The following PDE11A variants were observed in gnomAD, a reference collection of about 807,000 sequenced individuals.
The protein encoded by PDE11A is dual 3',5'-cyclic-AMP and -GMP phosphodiesterase 11A.
PDE11A carries 100 observed loss-of-function variants against 100.5 expected under a neutral mutation model. The ratio of observed to expected loss-of-function variants is 1.00; its 90% CI spans 0.85 to 1.18. The LOEUF (loss-of-function observed/expected upper bound fraction) is 1.18. Ranked by LOEUF, PDE11A falls within the 50% of genes most tolerant of loss-of-function variation. PDE11A has a pLI of 0.00. For synonymous variants in PDE11A, 381 were observed against 420.8 expected, an observed-to-expected ratio of 0.91 and a Z score of 1.16; for missense variants, 1,141 against 1,152.6, an observed-to-expected ratio of 0.99 and a Z score of 0.15.
intron 1 of PDE11A, among the ~76,000 whole-genome samples, chr2:178,059,104 C>T (rs1337551138): frequency 6.6e-6 from 1 of 152,148 alleles, no homozygotes; most frequent in African/African-American, 2.4e-5. Flanking sequence ...TGGAGCATGC[C>T]TCAGAGGTTC....
intron 9 of PDE11A, among the ~76,000 whole-genome samples, chr2:177,793,042 C>T (rs945954571): frequency 6.6e-6 from 1 of 152,128 alleles, no homozygotes; most frequent in Non-Finnish European, 1.5e-5. Context: ...AAAGAACCAG[C>T]CAGCCAACGG....
At chr2:178,018,512 AG>A (rs2086368416) in intron 1 of PDE11A, 1 of 466,460 alleles carries the variant, frequency 2.1e-6, no homozygotes, top group African/African-American at 2.0e-5. Flanking sequence ...CACCTTAAAA[AG>A]TACTTATCTT....
chr2:177,677,893 T>C (rs747322403), intron 16 of PDE11A: 17 of 152,324 alleles, frequency 1.1e-4, no homozygotes, highest in Non-Finnish European at 2.2e-4. Flanking sequence ...CTCCTCTATA[T>C]GCCAAAATTA....
Position 177,918,665 on chromosome 2 carries a change from A to G in PDE11A, c.1072-13478T>C, listed in dbSNP as rs545149874. Among the ~76,000 whole-genome samples the G allele has an allele frequency of 1.1e-4, 16 of 152,308 alleles. No homozygotes were observed. The East Asian group carries it at 3.1e-3, about 29-fold the overall frequency. On this transcript the variant is annotated intron_variant, in intron 2 of 19. Transcript: ENST00000286063. ...AGTCACAGCTACAGAAGAAAATGAA[A>G]AGAACTATAATAGACATTTTTTGCC...
chr2:177,902,153 AAAG>A (rs982043532), intron 3 of PDE11A, among the ~76,000 whole-genome samples: 6 of 152,230 alleles, frequency 3.9e-5, no homozygotes, highest in African/African-American at 1.4e-4. Context: ...AAGATCCACA[AAAG>A]AAGTGAAAAT....
intron 19 of PDE11A, among the ~76,000 whole-genome samples, chr2:177,662,455 T>C (rs1393730392): frequency 6.6e-6 from 1 of 152,210 alleles, no homozygotes; most frequent in Non-Finnish European, 1.5e-5. Flanking sequence ...CTGAATAACA[T>C]TAAAAAGTAA....
intron 6 of PDE11A, among the ~76,000 whole-genome samples, chr2:177,820,685 G>C (rs1408092744): frequency 2.0e-5 from 3 of 151,720 alleles, no homozygotes; most frequent in African/African-American, 7.3e-5. Context: ...TCTTTGACTG[G>C]GTGCACTTGT....
chr2:177,677,014 T>C (rs1174725185), intron 16 of PDE11A, among the ~76,000 whole-genome samples: 1 of 152,242 alleles, frequency 6.6e-6, no homozygotes, highest in Non-Finnish European at 1.5e-5. Flanking sequence ...GGGACAAGAC[T>C]GGCTAAAGCA....
chr2:178,038,897 T>G (rs1327248011), intron 1 of PDE11A: 1 of 152,158 alleles, frequency 6.6e-6, no homozygotes, highest in Non-Finnish European at 1.5e-5. Context: ...AAGAAACGAA[T>G]GCTTGTGCTT....
chr2:177,844,385 C>T (rs905421555), intron 5 of PDE11A, among the ~76,000 whole-genome samples: 1 of 152,080 alleles, frequency 6.6e-6, no homozygotes, highest in African/African-American at 2.4e-5. Flanking sequence ...ACCTAATCAC[C>T]TCCTAAAGGC....
At chr2:177,930,003 T>C (rs1057037131) in intron 2 of PDE11A, among the ~76,000 whole-genome samples, 4 of 152,232 alleles carry the variant, frequency 2.6e-5, no homozygotes, top group Admixed American at 1.3e-4. Context: ...ACAAGTTTGA[T>C]AGAGTAAGTG....
chr2:177,901,323 A>G (rs2105731398), intron 3 of PDE11A, among the ~76,000 whole-genome samples: 1 of 152,094 alleles, frequency 6.6e-6, no homozygotes, highest in Middle Eastern at 3.4e-3. Context: ...AACCCAACCA[A>G]TCAGCATTCC....
chr2:177,934,119 C>A (rs1373056948), intron 2 of PDE11A, among the ~76,000 whole-genome samples: 15 of 151,592 alleles, frequency 9.9e-5, no homozygotes, highest in African/African-American at 3.6e-4. Flanking sequence ...ATAACAACAA[C>A]AAAAAAAATT....
chr2:177,837,743 T>C (rs1028383478), intron 6 of PDE11A, among the ~76,000 whole-genome samples: 1 of 152,242 alleles, frequency 6.6e-6, no homozygotes, highest in Non-Finnish European at 1.5e-5. Flanking sequence ...TTGAAAATAC[T>C]TCGTACACTG....
intron 5 of PDE11A, among the ~76,000 whole-genome samples, chr2:177,853,621 C>A (rs1285850444): frequency 1.6e-5 from 2 of 121,800 alleles, no homozygotes; most frequent in African/African-American, 6.3e-5. Flanking sequence ...GGCACACCTT[C>A]CCAACAAGTC....
chr2:177,834,140 T>C (rs1335848712), intron 6 of PDE11A, among the ~76,000 whole-genome samples: 1 of 152,200 alleles, frequency 6.6e-6, no homozygotes, highest in Non-Finnish European at 1.5e-5. Flanking sequence ...CCCTTCAATG[T>C]GTCTGCCTGC....
chr2:177,933,087 C>T (rs111816214), intron 2 of PDE11A, among the ~76,000 whole-genome samples: 2 of 151,450 alleles, frequency 1.3e-5, no homozygotes, highest in South Asian at 2.1e-4. Flanking sequence ...CACACACACA[C>T]ACAAATAAAA....
intron 2 of PDE11A, among the ~76,000 whole-genome samples, chr2:178,083,796 C>T (rs1009187088): frequency 1.3e-5 from 2 of 152,184 alleles, no homozygotes; most frequent in Admixed American, 1.3e-4. Context: ...AACAGTTTCA[C>T]AGATTTTGCT....
At chr2:178,039,576 C>G (rs142080468) in intron 1 of PDE11A, among the ~76,000 whole-genome samples, 6 of 152,026 alleles carry the variant, frequency 3.9e-5, no homozygotes, top group African/African-American at 1.2e-4. Context: ...AGTTAAAAGT[C>G]TGCGGTCATG....
Sources: allele counts gnomAD v4.1 joint callset (sites outside exome capture counted in the v4.1 genomes callset), GRCh38; gene constraint gnomAD v4.1.1; transcripts MANE v1.5; gene names NCBI Gene and HGNC (gene_info 2026-07-23, HGNC 2026-07-21).